GRAMD1B: variants seen among roughly 807,000 people sequenced by gnomAD.
GRAMD1B encodes protein Aster-B.
Under a neutral mutation model 99.7 loss-of-function variants are expected in GRAMD1B, and 37 were observed. That is an observed-to-expected ratio of 0.37 (90% CI 0.29 to 0.49). The LOEUF (loss-of-function observed/expected upper bound fraction) is 0.49, where lower values mean the gene tolerates loss of function less well. GRAMD1B is among the 20% of genes least tolerant of loss of function. The pLI, the probability that GRAMD1B is intolerant of heterozygous loss-of-function variation, is 0.98. For synonymous variants in GRAMD1B, 427 were observed against 387.6 expected, an observed-to-expected ratio of 1.10 and a Z score of -1.19; for missense variants, 888 against 1,009.2, an observed-to-expected ratio of 0.88 and a Z score of 1.63.
chr11:123,515,398 A>G (rs1941577792), intron 2 of GRAMD1B, among the ~76,000 whole-genome samples: 1 of 152,226 alleles, frequency 6.6e-6, no homozygotes, highest in Non-Finnish European at 1.5e-5. Context: ...CCTGAAACGT[A>G]TTGAGTGCCA....
chr11:123,613,690 C>T lies in GRAMD1B; in HGVS notation c.2227+32C>T, dbSNP rs766004804. On this transcript the variant is annotated intron_variant, in intron 16 of 19. Transcript: ENST00000635736. ...GCCAGGTGGGGACAGGTCGGGTGGA[C>T]TAAGCTTTGGGCTGGAGCTGCATGC... 8.9e-6 allele frequency: 14 copies of T among 1,567,654 alleles called. 1 individual carries two copies. In the East Asian group the frequency reaches 3.2e-4, roughly 35 times the overall value.
At chr11:123,463,202 G>A (rs937725455) in intron 1 of GRAMD1B, among the ~76,000 whole-genome samples, 2 of 152,078 alleles carry the variant, frequency 1.3e-5, no homozygotes, top group Non-Finnish European at 2.9e-5. Flanking sequence ...CAGTAGAGTC[G>A]GGGTTTCACC....
At chr11:123,416,675 G>A (rs1481961221) in intron 1 of GRAMD1B, among the ~76,000 whole-genome samples, 1 of 152,206 alleles carries the variant, frequency 6.6e-6, no homozygotes, top group African/African-American at 2.4e-5. Flanking sequence ...GCTGTGTGAT[G>A]AGTCCCTGTA....
intron 1 of GRAMD1B, among the ~76,000 whole-genome samples, chr11:123,382,196 T>TA (rs1946900979): frequency 6.6e-6 from 1 of 152,158 alleles, no homozygotes; most frequent in South Asian, 2.1e-4. Flanking sequence ...TTTTGAAAAA[T>TA]AAATTAATAT....
chr11:123,512,768 A>G (rs1591767664), intron 2 of GRAMD1B, among the ~76,000 whole-genome samples: 1 of 104,490 alleles, frequency 9.6e-6, no homozygotes, highest in Non-Finnish European at 1.9e-5. Context: ...TACTTCAGGT[A>G]TTTTCAGTCT....
At chr11:123,588,723 T>G (rs1416555951) in intron 4 of GRAMD1B, among the ~76,000 whole-genome samples, 1 of 152,160 alleles carries the variant, frequency 6.6e-6, no homozygotes, top group African/African-American at 2.4e-5. Flanking sequence ...GCCAAGCATA[T>G]AGAATCAGGG....
chr11:123,368,679 CAAAAAAA>C (rs58877377), intron 1 of GRAMD1B, among the ~76,000 whole-genome samples: 1 of 78,064 alleles, frequency 1.3e-5, no homozygotes, highest in African/African-American at 5.4e-5. Flanking sequence ...GACTCTGTCT[CAAAAAAA>C]AAAAAAAAAA....
intron 2 of GRAMD1B, among the ~76,000 whole-genome samples, chr11:123,563,237 T>C (rs572481101): frequency 2.6e-5 from 4 of 152,312 alleles, no homozygotes; most frequent in African/African-American, 7.2e-5. Context: ...AGTTTGAGCT[T>C]AAAATAAAAA....
chr11:123,360,631 C>G (rs184013660), intron 1 of GRAMD1B, among the ~76,000 whole-genome samples: 1 of 152,290 alleles, frequency 6.6e-6, no homozygotes, highest in East Asian at 1.9e-4. Flanking sequence ...CAATACCTAG[C>G]CAAGCTGGGG....
chr11:123,559,620 A>AG (rs1350570355), intron 2 of GRAMD1B: 6 of 961,132 alleles, frequency 6.2e-6, no homozygotes, highest in African/African-American at 1.8e-5. Flanking sequence ...GAATGGACAG[A>AG]GAAAAAAAAA....
At chr11:123,473,436 G>T (rs1951111684) in intron 1 of GRAMD1B, among the ~76,000 whole-genome samples, 1 of 151,992 alleles carries the variant, frequency 6.6e-6, no homozygotes, top group Admixed American at 6.6e-5. Flanking sequence ...GCTAATTTTT[G>T]TTTTCATTTA....
intron 1 of GRAMD1B, among the ~76,000 whole-genome samples, chr11:123,395,906 C>A (rs1947441159): frequency 6.6e-6 from 1 of 152,132 alleles, no homozygotes; most frequent in African/African-American, 2.4e-5. Flanking sequence ...TTCTGTCTTG[C>A]AGAACTGTTG....
chr11:123,416,697 C>A (rs1279534120), intron 1 of GRAMD1B, among the ~76,000 whole-genome samples: 1 of 152,152 alleles, frequency 6.6e-6, no homozygotes, highest in East Asian at 1.9e-4. Context: ...CCAGGCATAA[C>A]TTGTTGCCTG....
intron 1 of GRAMD1B, among the ~76,000 whole-genome samples, chr11:123,417,279 A>C (rs1948264045): frequency 6.6e-6 from 1 of 152,218 alleles, no homozygotes; most frequent in Admixed American, 6.5e-5. Context: ...GGACTGAGGC[A>C]GGAGAATCAC....
In GRAMD1B at chr11:123,623,100, A is replaced by G. The variant is rs1284530368; in HGVS notation, c.*505A>G. 6.6e-6 allele frequency: 1 copy of G among 152,146 alleles called. No homozygotes were observed. Among genetic ancestry groups the G allele is most frequent in the African/African-American group, 2.4e-5 (1 of 41,394 alleles). 9.4% of individuals were successfully genotyped at this position (152,146 alleles called of 1,614,324 possible). On this transcript the variant is annotated 3_prime_UTR_variant, in exon 20 of 20. Coordinates refer to ENST00000635736, the MANE Select transcript of GRAMD1B (RefSeq NM_001387025.1). ...TTCTCTTGGGAACACAGAAGCATCAAGGGAGCCCAGTCTAAACTCCTAGGG... is the reference window on the plus strand; with the variant it reads ...TTCTCTTGGGAACACAGAAGCATCAGGGGAGCCCAGTCTAAACTCCTAGGG...
intron 1 of GRAMD1B, among the ~76,000 whole-genome samples, chr11:123,389,435 G>A (rs1166667792): frequency 6.6e-6 from 1 of 151,608 alleles, no homozygotes; most frequent in East Asian, 1.9e-4. Context: ...TACCTGACCA[G>A]TACTCTTCAA....
At chr11:123,371,602 T>C (rs1386960498) in intron 1 of GRAMD1B, among the ~76,000 whole-genome samples, 1 of 152,186 alleles carries the variant, frequency 6.6e-6, no homozygotes, top group Non-Finnish European at 1.5e-5. Context: ...TGGTTTGCAT[T>C]TTCATCCAAT....
At chr11:123,592,705 C>T (rs111499139) in intron 4 of GRAMD1B, among the ~76,000 whole-genome samples, 12 of 151,930 alleles carry the variant, frequency 7.9e-5, no homozygotes, top group African/African-American at 2.2e-4. Flanking sequence ...TTGTTGTTGT[C>T]GTTTTGTTTT....
rs537496688 is a variant in GRAMD1B at position 123,437,684 on chromosome 11, A to G, written c.374+6518A>G. On this transcript the variant is annotated intron_variant, in intron 1 of 19. Transcript: ENST00000635736. ...TGTCTGACCACTGGTAGTGCCGCTC[A>G]CTAATTGTGCCCAGCATGCTAGGCT... Among the ~76,000 whole-genome samples the G allele has an allele frequency of 1.5e-3, 221 of 152,280 alleles. 1 individual carries two copies. The highest frequency in any genetic ancestry group is 4.8e-3 in the African/African-American group (200 of 41,546).
Sources: gnomAD v4.1 joint callset for allele counts (sites outside exome capture counted in the v4.1 genomes callset) on GRCh38, gnomAD v4.1.1 for gene constraint, MANE v1.5 for transcripts, NCBI Gene and HGNC (gene_info 2026-07-23, HGNC 2026-07-21) for gene names.